Variants in YARS1 observed in about 807,000 individuals in gnomAD.
The protein encoded by YARS1 is tyrosyl-tRNA synthetase 1, also known as tyrosine--tRNA ligase, cytoplasmic.
Under a neutral mutation model 62.2 loss-of-function variants are expected in YARS1, and 36 were observed. The observed-to-expected ratio is 0.58, with a 90% confidence interval of 0.44 to 0.76. YARS1 has a LOEUF of 0.76. Among genes scored for constraint, YARS1 ranks in the 30% least tolerant of loss-of-function variants. The probability of loss-of-function intolerance (pLI) is 0.00; values close to 1 mark genes in which losing one functional copy is unlikely to be tolerated. For missense variants in YARS1, 524 were observed against 639.8 expected, an observed-to-expected ratio of 0.82 and a Z score of 1.95; for synonymous variants, 234 against 244.9, an observed-to-expected ratio of 0.96 and a Z score of 0.42.
chr1:32,791,130 T>A (rs1366373406), intron 6 of YARS1, 32 bp downstream of exon 6: 1 of 1,584,220 alleles, frequency 6.3e-7, no homozygotes, highest in Non-Finnish European at 8.7e-7. Flanking sequence ...AGGCTGAAGA[T>A]TTCTAAATTC....
intron 6 of YARS1, among the ~76,000 whole-genome samples, chr1:32,788,450 G>C (rs973069848): frequency 3.3e-5 from 5 of 151,704 alleles, no homozygotes; most frequent in African/African-American, 1.2e-4. Context: ...TTTATTTTTT[G>C]AGACAGTTTT....
intron 1 of YARS1, among the ~76,000 whole-genome samples, chr1:32,815,328 G>A (rs1193994166): frequency 1.3e-5 from 2 of 152,074 alleles, no homozygotes; most frequent in African/African-American, 2.4e-5. Context: ...CAGCCTGGCC[G>A]ACAAGAGATA....
intron 12 of YARS1, 94 bp downstream of exon 12, chr1:32,779,288 A>G (rs1237873779): frequency 6.2e-7 from 1 of 1,604,622 alleles, no homozygotes; most frequent in East Asian, 2.2e-5. Flanking sequence ...GGAAGTCCCA[A>G]CAGAGAGGGG....
intron 4 of YARS1, among the ~76,000 whole-genome samples, 173 bp downstream of exon 4, chr1:32,806,309 T>C (rs1638465257): frequency 6.6e-6 from 1 of 152,190 alleles, no homozygotes; most frequent in Non-Finnish European, 1.5e-5. Context: ...AGTGAGCACA[T>C]GCTGTTGGAA....
intron 5 of YARS1, among the ~76,000 whole-genome samples, chr1:32,792,152 G>C (rs541535557): frequency 6.6e-6 from 1 of 152,160 alleles, no homozygotes; most frequent in Admixed American, 6.5e-5. Flanking sequence ...TGGAGACCTG[G>C]GCAGAGATTT....
chr1:32,809,806 T>C (rs1260833685), intron 3 of YARS1, among the ~76,000 whole-genome samples: 2 of 152,034 alleles, frequency 1.3e-5, no homozygotes, highest in Non-Finnish European at 2.9e-5. Flanking sequence ...ATATCTGAGG[T>C]TAAGAAAGAG....
chr1:32,794,621 C>T (rs1653514546), intron 5 of YARS1, among the ~76,000 whole-genome samples: 2 of 152,046 alleles, frequency 1.3e-5, no homozygotes, highest in South Asian at 4.2e-4. Context: ...AGCTTCTGAC[C>T]TCAGGTGATC....
chr1:32,776,688 C>T lies in YARS1; in HGVS notation c.1477-597G>A, dbSNP rs111568458. ...TCTAATAAGAGTTTAGTTAGATTGC[C>T]GGGCGTGGTGGCTCACACCTATAAT... is the stretch of plus-strand genomic sequence containing the variant. On this transcript the variant is annotated intron_variant, in intron 12 of 12. Transcript: ENST00000373477. This position sits in a 1 kb window ranked among gnomAD's most constrained non-coding sequence, Gnocchi z 4.0. Among the ~76,000 whole-genome samples, 522 of 152,148 alleles carry T rather than the reference C, an allele frequency of 3.4e-3. 7 individuals are homozygous for T. Among genetic ancestry groups the T allele is most frequent in the African/African-American group, 0.012 (495 of 41,508 alleles).
Position 32,797,767 on chromosome 1 carries a change from T to A in YARS1, c.587A>T (p.Glu196Val). 6.2e-7 allele frequency: 1 copy of A among 1,613,850 alleles called. No homozygotes were observed. Among genetic ancestry groups the A allele is most frequent in the Non-Finnish European group, 8.5e-7 (1 of 1,179,720 alleles). ...GACAGGAAAGCAGACACTCACCTTC[T>A]CTGCAAAGGTGAAAATCTTTCTCTG... Reference protein sequence around the residue: ...IDQRKIFTFAEKYLPALGYSK... With the variant: ...IDQRKIFTFAVKYLPALGYSK... Residue 196 changes from glutamate (E) to valine (V), a missense_variant, in exon 5 of 13, where the codon GAG (glutamate) becomes GTG (valine). By Grantham distance (121) the Glu-to-Val change is moderately radical. Transcript: ENST00000373477.
rs1652866546 is a variant in YARS1, at chr1:32,776,540, CAAGT to C, written c.1477-453_1477-450del. Among the ~76,000 whole-genome samples the C allele has an allele frequency of 6.6e-6, 1 of 152,176 alleles. No individual in the cohort carries two copies. Among genetic ancestry groups the C allele is most frequent in the South Asian group, 2.1e-4 (1 of 4,818 alleles). ...AAGCTTTCACATTCATCTTTTGACT[CAAGT>C]AAGTTCATTTTAGGGAGTTAGTTTA... On this transcript the variant is annotated intron_variant, in intron 12 of 12. Transcript: ENST00000373477. This position sits in a 1 kb window ranked among gnomAD's most constrained non-coding sequence, Gnocchi z 4.0.
chr1:32,815,745 G>A (rs1180122724), intron 1 of YARS1, among the ~76,000 whole-genome samples: 1 of 152,222 alleles, frequency 6.6e-6, no homozygotes, highest in Non-Finnish European at 1.5e-5. Context: ...GAGTAGATTA[G>A]TGTTTCTCTA....
intron 1 of YARS1, 178 bp from the exon 2 acceptor site, chr1:32,811,235 A>C: frequency 4.1e-6 from 4 of 976,612 alleles, no homozygotes; most frequent in Middle Eastern, 3.1e-4. Context: ...ATCTGAATTG[A>C]CTCTCCCTTA....
intron 6 of YARS1, among the ~76,000 whole-genome samples, chr1:32,787,651 A>T (rs1331197676): frequency 6.6e-6 from 1 of 151,914 alleles, no homozygotes; most frequent in East Asian, 1.9e-4. Flanking sequence ...CTGGGATTAC[A>T]GGTGCCTGTC....
rs538982577 is a variant in YARS1, at chr1:32,796,726, G to A, written c.591+1037C>T. Reference sequence around the variant, plus strand: ...CACCTGTAATCCCAGTGCTTTGGAAGGCTGAGATGGGTGGATCACCTGAGG... The same window carrying A: ...CACCTGTAATCCCAGTGCTTTGGAAAGCTGAGATGGGTGGATCACCTGAGG... On this transcript the variant is annotated intron_variant, in intron 5 of 12. Coordinates refer to ENST00000373477, the MANE Select transcript of YARS1 (RefSeq NM_003680.4). Among the ~76,000 whole-genome samples the A allele has an allele frequency of 3.3e-5, 5 of 151,578 alleles. No individual in the cohort carries two copies. The East Asian group carries it at 9.8e-4, about 30-fold the overall frequency.
intron 5 of YARS1, among the ~76,000 whole-genome samples, chr1:32,795,916 TGA>T (rs1196198952): frequency 6.6e-6 from 1 of 152,072 alleles, no homozygotes; most frequent in Non-Finnish European, 1.5e-5. Flanking sequence ...TCTTAGCTCA[TGA>T]GTCATACAAA....
rs371329320 is a variant in YARS1, at chr1:32,800,597, T to C, written c.511-2754A>G. 3.9e-5 allele frequency among the ~76,000 whole-genome samples: 6 copies of C among 152,284 alleles called. No individual in the cohort carries two copies. In the East Asian group the frequency reaches 1.2e-3, roughly 29 times the overall value. ...CAGCTTGGTTTGTACTTTTCTTTTT[T>C]TTTTTGGAGATGGAGTCTTGCACTG... On this transcript the variant is annotated intron_variant, in intron 4 of 12. Coordinates refer to ENST00000373477, the MANE Select transcript of YARS1 (RefSeq NM_003680.4).
chr1:32,809,409 CT>C (rs944152801), intron 3 of YARS1, among the ~76,000 whole-genome samples: 1 of 150,830 alleles, frequency 6.6e-6, no homozygotes, highest in Non-Finnish European at 1.5e-5. Context: ...TCTTTCTTTT[CT>C]TTTTTTTTAG....
At chr1:32,812,767 C>T (rs188991027) in intron 1 of YARS1, among the ~76,000 whole-genome samples, 2 of 152,098 alleles carry the variant, frequency 1.3e-5, no homozygotes, top group Admixed American at 6.5e-5. Flanking sequence ...GATCAGGGGT[C>T]GAGACCAGCC....
intron 6 of YARS1, among the ~76,000 whole-genome samples, chr1:32,788,966 T>G (rs994597076): frequency 7.2e-5 from 11 of 152,144 alleles, no homozygotes; most frequent in Admixed American, 6.5e-4. Flanking sequence ...CTGGAACTAT[T>G]GGTGCATGCC....
Sources: allele counts gnomAD v4.1 joint callset (sites outside exome capture counted in the v4.1 genomes callset), GRCh38; gene constraint gnomAD v4.1.1; non-coding constraint Gnocchi (gnomAD v3.1); transcripts MANE v1.5; gene names NCBI Gene and HGNC (gene_info 2026-07-23, HGNC 2026-07-21).